FAF1: variants seen among roughly 807,000 people sequenced by gnomAD.
FAF1 encodes FAS-associated factor 1.
Under a neutral mutation model 92.5 loss-of-function variants are expected in FAF1, and 25 were observed. That is an observed-to-expected ratio of 0.27 (90% CI 0.20 to 0.38). The LOEUF (loss-of-function observed/expected upper bound fraction) is 0.38, where lower values mean the gene tolerates loss of function less well. Among genes scored for constraint, FAF1 ranks in the 10% least tolerant of loss-of-function variants. FAF1 has a pLI of 1.00. For synonymous variants in FAF1, 234 were observed against 273.2 expected, an observed-to-expected ratio of 0.86 and a Z score of 1.42; for missense variants, 636 against 793.3, an observed-to-expected ratio of 0.80 and a Z score of 2.38.
At chr1:50,950,707 A>C (rs1172645651) in intron 1 of FAF1, among the ~76,000 whole-genome samples, 1 of 152,222 alleles carries the variant, frequency 6.6e-6, no homozygotes, top group Non-Finnish European at 1.5e-5. Context: ...ACACCTGTGA[A>C]CACAGAAGCA....
At chr1:50,789,289 C>G (rs1426650060) in intron 3 of FAF1, among the ~76,000 whole-genome samples, 1 of 152,110 alleles carries the variant, frequency 6.6e-6, no homozygotes, top group Non-Finnish European at 1.5e-5. Flanking sequence ...CTGGCTCTAC[C>G]CACTTAATAG....
intron 1 of FAF1, among the ~76,000 whole-genome samples, chr1:50,922,140 C>T (rs1644968251): frequency 6.9e-6 from 1 of 145,766 alleles, no homozygotes; most frequent in Non-Finnish European, 1.5e-5. Context: ...GCACTCCAAC[C>T]TGGGTAACAG....
intron 2 of FAF1, among the ~76,000 whole-genome samples, chr1:50,812,608 C>T (rs578148827): frequency 6.6e-6 from 1 of 152,234 alleles, no homozygotes; most frequent in South Asian, 2.1e-4. Context: ...AAAGGGAGTG[C>T]TTACATGCTG....
At chr1:50,653,239 T>A (rs1367651707) in intron 8 of FAF1, among the ~76,000 whole-genome samples, 3 of 151,548 alleles carry the variant, frequency 2.0e-5, no homozygotes, top group Non-Finnish European at 4.4e-5. Context: ...GACCAGCCAA[T>A]AATTCTAATT....
At chr1:50,574,669 G>A (rs897943906) in intron 12 of FAF1, among the ~76,000 whole-genome samples, 7 of 151,860 alleles carry the variant, frequency 4.6e-5, no homozygotes, top group African/African-American at 1.7e-4. Context: ...CATTCCAAAA[G>A]GTGACAGAGT....
intron 18 of FAF1, among the ~76,000 whole-genome samples, chr1:50,466,239 A>T (rs1269768147): frequency 1.3e-5 from 2 of 152,160 alleles, no homozygotes; most frequent in Non-Finnish European, 2.9e-5. Context: ...TATGAGTTGG[A>T]GAAAGGAGAG....
chr1:50,591,849 T>C (rs534403609), intron 9 of FAF1, among the ~76,000 whole-genome samples: 2 of 152,282 alleles, frequency 1.3e-5, no homozygotes, highest in East Asian at 3.9e-4. Flanking sequence ...CAAATCATGC[T>C]TTTTTTCTCT....
chr1:50,806,538 G>A (rs1005252266), intron 2 of FAF1, among the ~76,000 whole-genome samples: 4 of 152,134 alleles, frequency 2.6e-5, no homozygotes, highest in Non-Finnish European at 4.4e-5. Flanking sequence ...TGTGCACCCT[G>A]CCACACTACC....
intron 8 of FAF1, among the ~76,000 whole-genome samples, chr1:50,652,119 G>A (rs1304148026): frequency 1.3e-5 from 2 of 152,156 alleles, no homozygotes; most frequent in Non-Finnish European, 2.9e-5. Context: ...CTGGGACAAG[G>A]TGCAAATGGC....
Position 50,441,350 on chromosome 1 carries a change from C to G in FAF1, c.*90G>C. On this transcript the variant is annotated 3_prime_UTR_variant, in exon 19 of 19. Coordinates refer to ENST00000396153, the MANE Select transcript of FAF1 (RefSeq NM_007051.3). Reference sequence around the variant, plus strand: ...AAGTGTGACATTGAATTGAGTGAGACGAGCGTGTGGGTGGGTTGGCGAGGA... The same window carrying G: ...AAGTGTGACATTGAATTGAGTGAGAGGAGCGTGTGGGTGGGTTGGCGAGGA... 1 of 669,666 alleles carries G rather than the reference C, an allele frequency of 1.5e-6. No homozygotes were observed. The highest frequency in any genetic ancestry group is 2.5e-6 in the Non-Finnish European group (1 of 401,696). The allele number at this position is 669,666 out of a possible 1,614,324, so 41.5% of individuals were successfully genotyped here.
At chr1:50,834,627 A>G (rs1232556948) in intron 2 of FAF1, among the ~76,000 whole-genome samples, 3 of 152,248 alleles carry the variant, frequency 2.0e-5, no homozygotes, top group Non-Finnish European at 4.4e-5. Context: ...TCCAATACTC[A>G]GGATGAACAA....
chr1:50,895,855 T>A (rs561850185), intron 1 of FAF1, among the ~76,000 whole-genome samples: 38 of 150,590 alleles, frequency 2.5e-4, no homozygotes, highest in Admixed American at 9.3e-4. Context: ...TTCATGATTT[T>A]AAAAAAAAAG....
intron 15 of FAF1, among the ~76,000 whole-genome samples, chr1:50,532,903 G>A (rs779050826): frequency 6.6e-6 from 1 of 152,210 alleles, no homozygotes; most frequent in African/African-American, 2.4e-5. Context: ...CCTTCAACTC[G>A]TGGGCTCAAG....
chr1:50,486,333 T>C (rs1218695302), intron 17 of FAF1, among the ~76,000 whole-genome samples: 1 of 152,208 alleles, frequency 6.6e-6, no homozygotes, highest in Non-Finnish European at 1.5e-5. Context: ...ATAGCTCTAA[T>C]AATTCGACTG....
At chr1:50,712,634 C>A (rs1436326953) in intron 6 of FAF1, among the ~76,000 whole-genome samples, 1 of 151,660 alleles carries the variant, frequency 6.6e-6, no homozygotes, top group Non-Finnish European at 1.5e-5. Context: ...CCAGCCTGGG[C>A]AGCAGAGAGA....
At chr1:50,566,592 G>C (rs745470213) in intron 13 of FAF1, among the ~76,000 whole-genome samples, 2 of 151,996 alleles carry the variant, frequency 1.3e-5, no homozygotes, top group Admixed American at 6.6e-5. Context: ...TGTTGGCTGT[G>C]TGCAAAAGAA....
chr1:50,453,251 A>G (rs1646314361), intron 18 of FAF1, among the ~76,000 whole-genome samples: 1 of 152,218 alleles, frequency 6.6e-6, no homozygotes, highest in Non-Finnish European at 1.5e-5. Context: ...GTGGTGGGCT[A>G]CATGTGCTCC....
chr1:50,737,221 T>A (rs1659178455), intron 6 of FAF1, among the ~76,000 whole-genome samples: 1 of 152,198 alleles, frequency 6.6e-6, no homozygotes, highest in Non-Finnish European at 1.5e-5. Context: ...ACACTGCATT[T>A]CAGCAGCACT....
chr1:50,575,495 A>C (rs1192455840), intron 12 of FAF1, among the ~76,000 whole-genome samples: 3 of 152,204 alleles, frequency 2.0e-5, no homozygotes, highest in African/African-American at 7.2e-5. Flanking sequence ...GCATTTAATA[A>C]ATAGTGGTTA....
Sources: gnomAD v4.1 joint callset for allele counts (sites outside exome capture counted in the v4.1 genomes callset) on GRCh38, gnomAD v4.1.1 for gene constraint, MANE v1.5 for transcripts, NCBI Gene and HGNC (gene_info 2026-07-23, HGNC 2026-07-21) for gene names.